The following PAN3 variants were observed in gnomAD, a reference collection of about 807,000 sequenced individuals.
PAN3 encodes poly(A) specific ribonuclease subunit PAN3.
In PAN3, 19 loss-of-function variants were observed where a neutral mutation model predicts 96.2. The ratio of observed to expected loss-of-function variants is 0.20; its 90% CI spans 0.14 to 0.29. The LOEUF (loss-of-function observed/expected upper bound fraction) is 0.29, where lower values mean the gene tolerates loss of function less well. PAN3 is among the 10% of genes least tolerant of loss of function. The pLI, the probability that PAN3 is intolerant of heterozygous loss-of-function variation, is 1.00. For missense variants in PAN3, 882 were observed against 1,108.1 expected (o/e 0.80, Z 2.90); for synonymous variants, 433 against 406.6 (o/e 1.06, Z -0.78).
chr13:28,231,110 G>T (rs1015775837), intron 6 of PAN3, among the ~76,000 whole-genome samples: 1 of 152,166 alleles, frequency 6.6e-6, no homozygotes, highest in Admixed American at 6.5e-5. Flanking sequence ...ACTATTATAG[G>T]CCAGTGGGTA....
Position 28,138,891 on chromosome 13 carries a change from C to A in PAN3, c.234C>A (p.Gly78=). ...ACCCTGCCGCCGGGGCTGCCCCGGG[C>A]CTCGGCCTCCATAGCAACAGCGTCC... The part of the protein sequence containing the change: ...HEDPAAGAAP[G]LGLHSNSVPL... The change falls in exon 1 of 19, where the codon GGC becomes GGA. Residue 78 remains glycine (G), a synonymous_variant. Coordinates refer to ENST00000380958, the MANE Select transcript of PAN3 (RefSeq NM_175854.8). 1 of 1,404,634 alleles carries A rather than the reference C, an allele frequency of 7.1e-7. No individual in the cohort carries two copies. 87.0% of individuals were successfully genotyped at this position (1,404,634 alleles called of 1,614,324 possible). A position where few individuals can be genotyped will look rare whatever the true frequency, so the allele number is the denominator to read the frequency against.
At chr13:28,180,978 A>G (rs920789211) in intron 4 of PAN3, among the ~76,000 whole-genome samples, 1 of 152,190 alleles carries the variant, frequency 6.6e-6, no homozygotes, top group African/African-American at 2.4e-5. Context: ...GGTAGCAAAG[A>G]ATTCTCTAGA....
chr13:28,165,000 C>G (rs191205443), intron 1 of PAN3, among the ~76,000 whole-genome samples: 2 of 152,354 alleles, frequency 1.3e-5, no homozygotes, highest in East Asian at 3.9e-4. Context: ...CTCTGCCTCT[C>G]AGGTTCAAGT....
chr13:28,289,009 G>A (rs1051782754), intron 18 of PAN3, among the ~76,000 whole-genome samples: 37 of 151,764 alleles, frequency 2.4e-4, no homozygotes, highest in African/African-American at 7.3e-5. Context: ...TGTATTTTTA[G>A]TAGAGACAGG....
chr13:28,243,784 A>G (rs1883901827), intron 6 of PAN3, among the ~76,000 whole-genome samples: 1 of 152,020 alleles, frequency 6.6e-6, no homozygotes, highest in South Asian at 2.1e-4. Flanking sequence ...CGCCTCCCAG[A>G]TTACAGTGAT....
intron 4 of PAN3, among the ~76,000 whole-genome samples, chr13:28,192,918 T>C (rs1877476899): frequency 1.3e-5 from 2 of 152,226 alleles, no homozygotes; most frequent in African/African-American, 4.8e-5. Flanking sequence ...TGCTACCATC[T>C]CTTTTCAGAT....
rs368099208 is a variant in PAN3 at position 28,266,909 on chromosome 13, G to A, written c.1573+33G>A. On this transcript the variant is annotated intron_variant, in intron 10 of 18. Transcript: ENST00000380958. Reference sequence around the variant, plus strand: ...AGATAAGTTATCTTCTTTTATAATCGTATCATTGAGGCTAAGATTATTCAA... The same window carrying A: ...AGATAAGTTATCTTCTTTTATAATCATATCATTGAGGCTAAGATTATTCAA... The A allele has an allele frequency of 3.9e-4, 581 of 1,492,014 alleles. 6 individuals are homozygous for A. Among genetic ancestry groups the A allele is most frequent in the Non-Finnish European group, 9.7e-5 (108 of 1,112,310 alleles). The allele number at this position is 1,492,014 out of a possible 1,614,324, so 92.4% of individuals were successfully genotyped here. A position where few individuals can be genotyped will look rare whatever the true frequency, so the allele number is the denominator to read the frequency against.
rs375380219 is a variant in PAN3 at position 28,267,373 on chromosome 13, T to C, written c.1764T>C (p.Ala588=). The change falls in exon 12 of 19, where the codon GCT becomes GCC. Residue 588 remains alanine (A), a synonymous_variant. Transcript: ENST00000380958. ...GCAGACACTTTAATGACCCTAATGC[T>C]GATGCCTACTTCACCAAGAGAAAGT... ...MMSRHFNDPN[A]DAYFTKRKWG... 34 of 1,613,192 alleles carry C rather than the reference T, an allele frequency of 2.1e-5. No homozygotes were observed. The highest frequency in any genetic ancestry group is 2.5e-5 in the Non-Finnish European group (30 of 1,179,470).
chr13:28,210,339 C>T (rs1360515055), intron 5 of PAN3, among the ~76,000 whole-genome samples: 2 of 152,106 alleles, frequency 1.3e-5, no homozygotes, highest in Non-Finnish European at 2.9e-5. Context: ...TTGCCGGGTT[C>T]CAACATACAC....
chr13:28,250,208 T>A (rs1345287323), intron 6 of PAN3, among the ~76,000 whole-genome samples: 1 of 152,048 alleles, frequency 6.6e-6, no homozygotes, highest in Non-Finnish European at 1.5e-5. Flanking sequence ...ACTCTTTTTT[T>A]TTTTTTTAAA....
At chr13:28,274,495 T>TAA (rs779861154) in intron 14 of PAN3, among the ~76,000 whole-genome samples, 19 of 142,278 alleles carry the variant, frequency 1.3e-4, no homozygotes, top group Admixed American at 1.4e-4. Context: ...GTGTCTGCAT[T>TAA]AAAAAAAAAA....
rs190143830 is a variant in PAN3 at position 28,160,395 on chromosome 13, T to A, written c.431-13877T>A. Among the ~76,000 whole-genome samples, 496 of 152,178 alleles carry A rather than the reference T, an allele frequency of 3.3e-3. 3 individuals are homozygous for A. The highest frequency in any genetic ancestry group is 0.011 in the African/African-American group (466 of 41,528). On this transcript the variant is annotated intron_variant, in intron 1 of 18. Transcript: ENST00000380958. ...GTGGAAATGAATTAGAGGGGGCACA[T>A]TTTAGAGAGATTTGGTGAAGCAGCT...
At chr13:28,191,298 G>A (rs1877229481) in intron 4 of PAN3, among the ~76,000 whole-genome samples, 1 of 152,106 alleles carries the variant, frequency 6.6e-6, no homozygotes, top group Non-Finnish European at 1.5e-5. Context: ...CCTACCAGAT[G>A]TTGCCACAAG....
chr13:28,244,802 C>G (rs531987212), intron 6 of PAN3, among the ~76,000 whole-genome samples: 10 of 151,610 alleles, frequency 6.6e-5, no homozygotes, highest in African/African-American at 2.2e-4. Flanking sequence ...TTTTTTTCCC[C>G]CACATAGATA....
At chr13:28,225,149 G>A (rs1881859645) in intron 6 of PAN3, among the ~76,000 whole-genome samples, 1 of 152,070 alleles carries the variant, frequency 6.6e-6, no homozygotes, top group Non-Finnish European at 1.5e-5. Flanking sequence ...TGCCAAATTG[G>A]TGGGTAAAAT....
chr13:28,144,586 AG>A (rs1870355873), intron 1 of PAN3, among the ~76,000 whole-genome samples: 1 of 152,076 alleles, frequency 6.6e-6, no homozygotes, highest in Non-Finnish European at 1.5e-5. Context: ...TAACAAATAA[AG>A]CACTTTTTCC....
intron 4 of PAN3, among the ~76,000 whole-genome samples, chr13:28,189,001 T>A (rs1876857542): frequency 6.6e-6 from 1 of 152,212 alleles, no homozygotes; most frequent in Admixed American, 6.5e-5. Flanking sequence ...TAGAGAAGTT[T>A]ATACTGAAAT....
At chr13:28,280,352 T>C (rs1887367677) in intron 15 of PAN3, 60 bp from the exon 16 acceptor site, 2 of 1,539,902 alleles carry the variant, frequency 1.3e-6, no homozygotes, top group Non-Finnish European at 8.8e-7. Flanking sequence ...ATGTTTGGGT[T>C]ATCTTGTTTT....
rs564521859 is a variant in PAN3, at chr13:28,250,203, T to G, written c.1001-6089T>G. On this transcript the variant is annotated intron_variant, in intron 6 of 18. Transcript: ENST00000380958. ...AAGGACTTATTTTGCTCAGAACTCT[T>G]TTTTTTTTTTTTAAACAGCATCTCT... Among the ~76,000 whole-genome samples, 23 of 147,400 alleles carry G rather than the reference T, an allele frequency of 1.6e-4. No homozygotes were observed. In the East Asian group the frequency reaches 4.1e-3, roughly 26 times the overall value.
Sources: allele counts gnomAD v4.1 joint callset (sites outside exome capture counted in the v4.1 genomes callset), GRCh38; gene constraint gnomAD v4.1.1; transcripts MANE v1.5; gene names NCBI Gene and HGNC (gene_info 2026-07-23, HGNC 2026-07-21).